Variants in GOLPH3 observed in about 807,000 individuals in gnomAD.
The protein encoded by GOLPH3 is coat protein GPP34.
A neutral mutation model predicts 28.5 loss-of-function variants in GOLPH3; 14 were observed. The ratio of observed to expected loss-of-function variants is 0.49; its 90% CI spans 0.32 to 0.77. GOLPH3 has a LOEUF of 0.77. Among genes scored for constraint, GOLPH3 ranks in the 30% least tolerant of loss-of-function variants. The pLI, the probability that GOLPH3 is intolerant of heterozygous loss-of-function variation, is 0.03. For missense variants in GOLPH3, 350 were observed against 393.7 expected, an observed-to-expected ratio of 0.89 and a Z score of 0.94; for synonymous variants, 158 against 159.2, an observed-to-expected ratio of 0.99 and a Z score of 0.06.
intron 1 of GOLPH3, among the ~76,000 whole-genome samples, chr5:32,152,609 C>A (rs189350849): frequency 7.4e-4 from 111 of 150,796 alleles, no homozygotes; most frequent in African/African-American, 2.6e-3. Context: ...TGGCAAAATG[C>A]TGTCTCTACT....
intron 1 of GOLPH3, among the ~76,000 whole-genome samples, chr5:32,162,219 G>A (rs1428540153): frequency 2.7e-5 from 4 of 150,926 alleles, no homozygotes; most frequent in African/African-American, 7.4e-5. Context: ...AAGGCCAGGC[G>A]TGGTGGCTCA....
intron 2 of GOLPH3, among the ~76,000 whole-genome samples, chr5:32,142,448 C>G (rs1437892269): frequency 6.6e-6 from 1 of 151,186 alleles, no homozygotes; most frequent in Non-Finnish European, 1.5e-5. Flanking sequence ...CTCCGCCCGG[C>G]AGCCACCTCG....
intron 1 of GOLPH3, among the ~76,000 whole-genome samples, chr5:32,166,420 G>A (rs530098564): frequency 6.6e-6 from 1 of 152,240 alleles, no homozygotes; most frequent in Non-Finnish European, 1.5e-5. Context: ...AAAACAGGTT[G>A]CAGTCTTCCC....
rs1329342691 is a variant in GOLPH3 at position 32,148,975 on chromosome 5, CAAAAAAAAA to C, written c.226-5104_226-5096del. Among the ~76,000 whole-genome samples the C allele has an allele frequency of 5.3e-5, 8 of 149,792 alleles. No individual in the cohort carries two copies. The South Asian group carries it at 1.7e-3, about 32-fold the overall frequency. On this transcript the variant is annotated intron_variant, in intron 1 of 3. Transcript: ENST00000265070. ...GGGCAACAAGAGCGAAACTCCATCT[CAAAAAAAAA>C]GAAAAAAAGAAAGGTGATTGTACTT... is the stretch of plus-strand genomic sequence containing the variant.
At position 32,125,519 on chromosome 5, in the gene GOLPH3, G is replaced by A. The variant is rs1745657082; in HGVS notation, c.*693C>T. On this transcript the variant is annotated 3_prime_UTR_variant, in exon 4 of 4. Coordinates refer to ENST00000265070, the MANE Select transcript of GOLPH3 (RefSeq NM_022130.4). ...AAAATACTAAGATGGGAGCAGGGGTGGCCAGAAGAAGGGGTAATTTATATA... is the reference window on the plus strand; with the variant it reads ...AAAATACTAAGATGGGAGCAGGGGTAGCCAGAAGAAGGGGTAATTTATATA... The A allele has an allele frequency of 6.6e-6, 1 of 152,568 alleles. No individual in the cohort carries two copies. The highest frequency in any genetic ancestry group is 6.6e-5 in the Admixed American group (1 of 15,264). The allele number at this position is 152,568 out of a possible 1,614,324, so 9.5% of individuals were successfully genotyped here.
intron 1 of GOLPH3, among the ~76,000 whole-genome samples, chr5:32,159,911 GGTAA>G (rs1478116418): frequency 1.3e-5 from 2 of 152,072 alleles, no homozygotes; most frequent in African/African-American, 4.8e-5. Context: ...TCATACTGTG[GGTAA>G]GTATTTTAAG....
chr5:32,135,321 GT>G (rs1272447005), intron 3 of GOLPH3, among the ~76,000 whole-genome samples: 1 of 152,186 alleles, frequency 6.6e-6, no homozygotes, highest in Non-Finnish European at 1.5e-5. Context: ...AAGGTAGCAT[GT>G]GGTAATTTTG....
chr5:32,158,171 A>G (rs886116517), intron 1 of GOLPH3, among the ~76,000 whole-genome samples: 1 of 148,218 alleles, frequency 6.7e-6, no homozygotes, highest in Admixed American at 6.8e-5. Context: ...ACACACACAC[A>G]CACGGCAAAA....
intron 1 of GOLPH3, among the ~76,000 whole-genome samples, chr5:32,146,830 T>C (rs1486611371): frequency 6.6e-6 from 1 of 152,120 alleles, no homozygotes; most frequent in Non-Finnish European, 1.5e-5. Flanking sequence ...TCTTTTGGCT[T>C]CCCTGGGCCA....
chr5:32,129,384 G>C (rs139795914), intron 3 of GOLPH3, among the ~76,000 whole-genome samples: 1 of 152,164 alleles, frequency 6.6e-6, no homozygotes, highest in Non-Finnish European at 1.5e-5. Context: ...GTAAATGTTA[G>C]CTATTATTTG....
intron 3 of GOLPH3, among the ~76,000 whole-genome samples, chr5:32,130,641 C>T (rs1745808052): frequency 6.6e-6 from 1 of 152,064 alleles, no homozygotes; most frequent in Non-Finnish European, 1.5e-5. Flanking sequence ...AGTCAAGAAA[C>T]GAATTATTCT....
intron 2 of GOLPH3, among the ~76,000 whole-genome samples, chr5:32,139,678 T>C (rs963649003): frequency 6.6e-6 from 1 of 152,240 alleles, no homozygotes; most frequent in East Asian, 1.9e-4. Flanking sequence ...ATCATTTTTA[T>C]TTAGCTTCTT....
intron 1 of GOLPH3, among the ~76,000 whole-genome samples, chr5:32,144,946 AT>A: frequency 1.3e-5 from 2 of 152,356 alleles, no homozygotes; most frequent in Middle Eastern, 6.8e-3. Context: ...GAAGCTATAA[AT>A]AACTCTCATT....
intron 1 of GOLPH3, among the ~76,000 whole-genome samples, chr5:32,167,840 G>A (rs894267444): frequency 1.3e-5 from 2 of 151,950 alleles, no homozygotes; most frequent in South Asian, 2.1e-4. Context: ...TATAGTCCCA[G>A]CTATTCAGGA....
chr5:32,174,127 C>T lies in GOLPH3; in HGVS notation c.-93G>A, dbSNP rs1362077220. On this transcript the variant is annotated 5_prime_UTR_variant, in exon 1 of 4. Coordinates refer to ENST00000265070, the MANE Select transcript of GOLPH3 (RefSeq NM_022130.4). ...CCGCGCGGCCTCCGATCCGGGTTTC[C>T]GTGTTAAATCCGGACGCCGGGGCGA... The T allele has an allele frequency of 6.7e-6, 6 of 899,916 alleles. No individual in the cohort carries two copies. The Admixed American group carries it at 1.8e-4, about 26-fold the overall frequency. 55.7% of individuals were successfully genotyped at this position (899,916 alleles called of 1,614,324 possible). A position where few individuals can be genotyped will look rare whatever the true frequency, so the allele number is the denominator to read the frequency against.
chr5:32,147,328 C>T (rs569926098), intron 1 of GOLPH3, among the ~76,000 whole-genome samples: 1 of 152,096 alleles, frequency 6.6e-6, no homozygotes, highest in Admixed American at 6.6e-5. Flanking sequence ...TATTACAATT[C>T]TATGAAAATC....
chr5:32,149,424 A>C (rs987982178), intron 1 of GOLPH3, among the ~76,000 whole-genome samples: 5 of 152,228 alleles, frequency 3.3e-5, no homozygotes, highest in Non-Finnish European at 5.9e-5. Context: ...AAAATATTCT[A>C]AAATTGATTA....
At chr5:32,140,665 GA>G (rs11352127) in intron 2 of GOLPH3, among the ~76,000 whole-genome samples, 10,635 of 116,932 alleles carry the variant, frequency 0.091, 884 homozygotes, top group African/African-American at 0.24. Context: ...CTCAGTCTCA[GA>G]AAAAAAAAAA....
intron 1 of GOLPH3, among the ~76,000 whole-genome samples, chr5:32,150,284 TAGAA>T (rs1241938161): frequency 2.0e-5 from 3 of 152,010 alleles, no homozygotes; most frequent in Non-Finnish European, 2.9e-5. Flanking sequence ...ACTTGAATAA[TAGAA>T]AGATATTTCA....
Sources: allele counts gnomAD v4.1 joint callset (sites outside exome capture counted in the v4.1 genomes callset), GRCh38; gene constraint gnomAD v4.1.1; transcripts MANE v1.5; gene names NCBI Gene and HGNC (gene_info 2026-07-23, HGNC 2026-07-21).